CUEDC1: variants seen among roughly 807,000 people sequenced by gnomAD.
CUEDC1 encodes CUE domain-containing protein 1.
In CUEDC1, 30 loss-of-function variants were observed where a neutral mutation model predicts 43.7. The observed-to-expected ratio is 0.69, with a 90% confidence interval of 0.51 to 0.93. CUEDC1 has a LOEUF of 0.93. Among genes scored for constraint, CUEDC1 ranks in the 40% least tolerant of loss-of-function variants. The probability of loss-of-function intolerance (pLI) is 0.00; values close to 1 mark genes in which losing one functional copy is unlikely to be tolerated. For synonymous variants in CUEDC1, 223 were observed against 223.6 expected, an observed-to-expected ratio of 1.00 and a Z score of 0.02; for missense variants, 486 against 549.0, an observed-to-expected ratio of 0.89 and a Z score of 1.15.
chr17:57,936,677 G>C (rs768538991), intron 1 of CUEDC1, among the ~76,000 whole-genome samples: 1 of 152,008 alleles, frequency 6.6e-6, no homozygotes, highest in African/African-American at 2.4e-5. Flanking sequence ...GACCTGAGCC[G>C]CAACCCGGGT....
rs1253609196 is a variant in CUEDC1, at chr17:57,862,801, G to A, written c.*488C>T. The A allele has an allele frequency of 3.3e-5, 5 of 152,824 alleles. No homozygotes were observed. The East Asian group carries it at 9.6e-4, about 29-fold the overall frequency. The allele number at this position is 152,824 out of a possible 1,614,324, so 9.5% of individuals were successfully genotyped here. On this transcript the variant is annotated 3_prime_UTR_variant, in exon 11 of 11. Transcript: ENST00000577830. ...GCACAAGTGCCCGGAGGGAGCTGAGGAAGGGGGACCAGAAGGGAGCTGAGG... is the reference window on the plus strand; with the variant it reads ...GCACAAGTGCCCGGAGGGAGCTGAGAAAGGGGGACCAGAAGGGAGCTGAGG...
At chr17:57,934,551 T>A (rs1251898016) in intron 1 of CUEDC1, among the ~76,000 whole-genome samples, 1 of 107,544 alleles carries the variant, frequency 9.3e-6, no homozygotes, top group African/African-American at 3.7e-5. Context: ...AGCAAGACCC[T>A]GTCTCTCTAA....
chr17:57,951,846 T>C (rs1376627049), intron 1 of CUEDC1, among the ~76,000 whole-genome samples: 1 of 152,098 alleles, frequency 6.6e-6, no homozygotes, highest in Non-Finnish European at 1.5e-5. Flanking sequence ...AAGAAGGGAG[T>C]TTATATTTAC....
chr17:57,876,915 A>C (rs986469651), intron 3 of CUEDC1, among the ~76,000 whole-genome samples: 1 of 152,206 alleles, frequency 6.6e-6, no homozygotes, highest in African/African-American at 2.4e-5. Flanking sequence ...CAATCCTCCT[A>C]ACAGTGCTAA....
At chr17:57,937,766 CATGGT>C (rs2074875965) in intron 1 of CUEDC1, among the ~76,000 whole-genome samples, 1 of 151,570 alleles carries the variant, frequency 6.6e-6, no homozygotes, top group African/African-American at 2.4e-5. Flanking sequence ...ATTAGTCAGG[CATGGT>C]GGTGAGTGCC....
chr17:57,868,059 G>A (rs1342808291), intron 8 of CUEDC1, 91 bp downstream of exon 8: 9 of 1,081,144 alleles, frequency 8.3e-6, no homozygotes, highest in Non-Finnish European at 1.0e-5. Context: ...CACTCCCAGG[G>A]GAGGGCACAG....
intron 1 of CUEDC1, among the ~76,000 whole-genome samples, chr17:57,936,744 C>A (rs2074865276): frequency 6.6e-6 from 1 of 152,102 alleles, no homozygotes; most frequent in South Asian, 2.1e-4. Context: ...GCTCCTCTAG[C>A]CTCCTATCTA....
intron 1 of CUEDC1, among the ~76,000 whole-genome samples, chr17:57,933,492 T>C (rs991474299): frequency 6.6e-6 from 1 of 151,972 alleles, no homozygotes; most frequent in Non-Finnish European, 1.5e-5. Context: ...GCCACTTTCA[T>C]CTCCCCCAGT....
At chr17:57,886,044 C>A (rs894407718) in intron 1 of CUEDC1, among the ~76,000 whole-genome samples, 165 bp from the exon 2 acceptor site, 2 of 152,200 alleles carry the variant, frequency 1.3e-5, no homozygotes, top group Non-Finnish European at 2.9e-5. Context: ...GTAATGAAAT[C>A]CCCACAGTTC....
rs145160164 is a variant in CUEDC1 at position 57,891,416 on chromosome 17, G to C, written c.-315-5537C>G. On this transcript the variant is annotated intron_variant, in intron 1 of 10. Coordinates refer to ENST00000577830, the MANE Select transcript of CUEDC1 (RefSeq NM_001271875.2). ...CGTCTTCCAAATGATTTCTGAATCTGGCCACTCCTTACCACCTCCACAGCT... is the reference window on the plus strand; with the variant it reads ...CGTCTTCCAAATGATTTCTGAATCTCGCCACTCCTTACCACCTCCACAGCT... 3.6e-3 allele frequency among the ~76,000 whole-genome samples: 544 copies of C among 152,218 alleles called. 3 individuals carry two copies. Among genetic ancestry groups the C allele is most frequent in the African/African-American group, 0.012 (478 of 41,526 alleles).
chr17:57,894,181 A>T (rs908850320), intron 1 of CUEDC1, among the ~76,000 whole-genome samples: 1 of 152,182 alleles, frequency 6.6e-6, no homozygotes, highest in African/African-American at 2.4e-5. Context: ...CACCCAGAGA[A>T]GCAGGACACC....
At chr17:57,864,833 C>T (rs1013480589) in intron 10 of CUEDC1, among the ~76,000 whole-genome samples, 2 of 152,092 alleles carry the variant, frequency 1.3e-5, no homozygotes, top group Non-Finnish European at 2.9e-5. Context: ...GCGGGCAGGT[C>T]ACCTGGGGTC....
intron 8 of CUEDC1, chr17:57,867,638 G>C: frequency 1.7e-6 from 1 of 583,786 alleles, no homozygotes; most frequent in Non-Finnish European, 3.1e-6. Flanking sequence ...TGGGGATGGA[G>C]AAACAGCTTC....
intron 1 of CUEDC1, among the ~76,000 whole-genome samples, chr17:57,940,628 T>C (rs1421086710): frequency 2.6e-5 from 4 of 152,242 alleles, no homozygotes; most frequent in African/African-American, 9.6e-5. Flanking sequence ...TGATTATTCC[T>C]GCAGCATAAT....
chr17:57,938,357 C>T (rs1338445172), intron 1 of CUEDC1, among the ~76,000 whole-genome samples: 1 of 152,218 alleles, frequency 6.6e-6, no homozygotes, highest in African/African-American at 2.4e-5. Context: ...GTGCTGGCCC[C>T]GGCCCTGACT....
chr17:57,909,148 A>G (rs1398031151), intron 1 of CUEDC1, among the ~76,000 whole-genome samples: 2 of 151,840 alleles, frequency 1.3e-5, no homozygotes, highest in African/African-American at 4.8e-5. Context: ...TTATTTGTTA[A>G]TTTTTTTTGA....
chr17:57,896,312 C>T (rs1188785481), intron 1 of CUEDC1, among the ~76,000 whole-genome samples: 3 of 152,134 alleles, frequency 2.0e-5, no homozygotes, highest in Non-Finnish European at 4.4e-5. Flanking sequence ...CAAGTCTACC[C>T]GTAGCAGGCT....
chr17:57,871,200 C>T, intron 6 of CUEDC1, 86 bp downstream of exon 6: 2 of 1,090,618 alleles, frequency 1.8e-6, no homozygotes, highest in East Asian at 2.4e-5. Context: ...TTTCACCCTC[C>T]TCTCAAACTC....
intron 1 of CUEDC1, among the ~76,000 whole-genome samples, chr17:57,897,137 C>T (rs973378095): frequency 3.3e-5 from 5 of 152,054 alleles, no homozygotes; most frequent in Non-Finnish European, 7.4e-5. Flanking sequence ...TTATAGCAAA[C>T]GTCTATGAGC....
Sources: allele counts gnomAD v4.1 joint callset (sites outside exome capture counted in the v4.1 genomes callset), GRCh38; gene constraint gnomAD v4.1.1; transcripts MANE v1.5; gene names NCBI Gene and HGNC (gene_info 2026-07-23, HGNC 2026-07-21).